Variants in ERO1B observed in about 807,000 individuals in gnomAD.
ERO1B encodes endoplasmic reticulum oxidoreductase 1 beta, also known as ERO1-like protein beta.
In ERO1B, 49 loss-of-function variants were observed where a neutral mutation model predicts 75.3. That is an observed-to-expected ratio of 0.65 (90% confidence interval 0.52 to 0.83). The LOEUF (loss-of-function observed/expected upper bound fraction) is 0.83. Ranked by LOEUF, ERO1B falls within the 40% of genes least tolerant of loss-of-function variation. The probability of loss-of-function intolerance (pLI) is 0.00; values close to 1 mark genes in which losing one functional copy is unlikely to be tolerated. For missense variants in ERO1B, 512 were observed against 560.1 expected, an observed-to-expected ratio of 0.91 and a Z score of 0.87; for synonymous variants, 191 against 192.9, an observed-to-expected ratio of 0.99 and a Z score of 0.08.
intron 4 of ERO1B, among the ~76,000 whole-genome samples, chr1:236,250,388 C>T (rs1664987348): frequency 6.6e-6 from 1 of 151,742 alleles, no homozygotes; most frequent in South Asian, 2.1e-4. Flanking sequence ...AGGAGAATTG[C>T]TTGAACCTGG....
At chr1:236,251,509 A>C in intron 4 of ERO1B, 4 of 968,898 alleles carry the variant, frequency 4.1e-6, no homozygotes, top group Non-Finnish European at 4.9e-6. Flanking sequence ...AAGGAGGCAC[A>C]AGAAGGAGAC....
chr1:236,265,655 G>T (rs1665417910), intron 2 of ERO1B, among the ~76,000 whole-genome samples: 1 of 152,148 alleles, frequency 6.6e-6, no homozygotes, highest in Non-Finnish European at 1.5e-5. Context: ...AATCCCTTCA[G>T]TAGTTTCTTA....
chr1:236,220,091 GCTT>G (rs1045051775), intron 15 of ERO1B: 1 of 142,494 alleles, frequency 7.0e-6, no homozygotes, highest in African/African-American at 2.6e-5. Context: ...TAATTTAACT[GCTT>G]CTTTTTAACT....
Position 236,217,316 on chromosome 1 carries a change from G to A in ERO1B, c.*1200C>T, listed in dbSNP as rs544471703. 2 of 151,452 alleles carry A rather than the reference G, an allele frequency of 1.3e-5. No individual in the cohort carries two copies. The highest frequency in any genetic ancestry group is 2.1e-4 in the South Asian group (1 of 4,782). 9.4% of individuals were successfully genotyped at this position (151,452 alleles called of 1,614,324 possible). A position where few individuals can be genotyped will look rare whatever the true frequency, so the allele number is the denominator to read the frequency against. Reference sequence around the variant, plus strand: ...ATCAAGATTTTAAATATTGTCTAAAGATTTTAAATCCCAGATTTAGAAAAT... The same window carrying A: ...ATCAAGATTTTAAATATTGTCTAAAAATTTTAAATCCCAGATTTAGAAAAT... On this transcript the variant is annotated 3_prime_UTR_variant, in exon 16 of 16. Coordinates refer to ENST00000354619, the MANE Select transcript of ERO1B (RefSeq NM_019891.4).
chr1:236,269,360 G>A lies in ERO1B; in HGVS notation c.222+515C>T, dbSNP rs568824343. 7.9e-5 allele frequency among the ~76,000 whole-genome samples: 12 copies of A among 152,220 alleles called. No homozygotes were observed. The South Asian group carries it at 1.0e-3, about 13-fold the overall frequency. The stretch of plus-strand genomic sequence containing the variant: ...TTGCTGCTGCCTTTAAAGTATCACC[G>A]GTTATTTTGTAAAGGTCTAGAGTAG... On this transcript the variant is annotated intron_variant, in intron 2 of 15. Coordinates refer to ENST00000354619, the MANE Select transcript of ERO1B (RefSeq NM_019891.4).
intron 2 of ERO1B, among the ~76,000 whole-genome samples, chr1:236,268,558 C>A (rs1383005003): frequency 6.6e-6 from 1 of 152,136 alleles, no homozygotes; most frequent in Non-Finnish European, 1.5e-5. Context: ...TTGAGATCGG[C>A]CTGGGCAAAC....
chr1:236,258,408 A>C (rs958014556), intron 2 of ERO1B, among the ~76,000 whole-genome samples: 1 of 152,190 alleles, frequency 6.6e-6, no homozygotes, highest in Non-Finnish European at 1.5e-5. Context: ...AAAGAAAAGG[A>C]AGAAAAAGAA....
intron 2 of ERO1B, among the ~76,000 whole-genome samples, chr1:236,266,806 G>A (rs1370039851): frequency 6.6e-6 from 1 of 152,132 alleles, no homozygotes; most frequent in Non-Finnish European, 1.5e-5. Flanking sequence ...AGTTAGAGCT[G>A]AATGCATTAA....
intron 5 of ERO1B, among the ~76,000 whole-genome samples, chr1:236,249,243 C>T (rs773996827): frequency 6.6e-6 from 1 of 152,074 alleles, no homozygotes; most frequent in African/African-American, 2.4e-5. Context: ...CCAGGCTAGT[C>T]CTAAACTCCT....
At chr1:236,242,209 AATT>A (rs1265770460) in intron 6 of ERO1B, among the ~76,000 whole-genome samples, 1 of 152,238 alleles carries the variant, frequency 6.6e-6, no homozygotes, top group Admixed American at 6.5e-5. Flanking sequence ...TAGTCACACA[AATT>A]ATTAATTTGA....
chr1:236,217,183 T>C lies in ERO1B; in HGVS notation c.*1333A>G, dbSNP rs959746109. On this transcript the variant is annotated 3_prime_UTR_variant, in exon 16 of 16. Transcript: ENST00000354619. ...TATGGATTTAAGAGCACTTATTCTT[T>C]AATTCAGAAAAGACTAAAGAGTCTA... 14 of 152,134 alleles carry C rather than the reference T, an allele frequency of 9.2e-5. No individual in the cohort carries two copies. Among genetic ancestry groups the C allele is most frequent in the Non-Finnish European group, 1.8e-4 (12 of 67,988 alleles). 9.4% of individuals were successfully genotyped at this position (152,134 alleles called of 1,614,324 possible).
At position 236,269,221 on chromosome 1, in the gene ERO1B, C is replaced by T. The variant is rs112179257; in HGVS notation, c.222+654G>A. ...CTGCACTTCAGCCTGGGTGACAGAG[C>T]GAGACTTCATCTCAAAAATAGTAAG... On this transcript the variant is annotated intron_variant, in intron 2 of 15. Transcript: ENST00000354619. Among the ~76,000 whole-genome samples the T allele has an allele frequency of 1.5e-4, 23 of 151,956 alleles. 2 individuals are homozygous for T. The highest frequency in any genetic ancestry group is 3.6e-4 in the African/African-American group (15 of 41,440).
Position 236,232,832 on chromosome 1 carries a change from A to T in ERO1B, c.681T>A (p.Asp227Glu). 6.3e-7 allele frequency: 1 copy of T among 1,597,160 alleles called. No individual in the cohort carries two copies. Among genetic ancestry groups the T allele is most frequent in the Admixed American group, 1.7e-5 (1 of 58,580 alleles). The change falls in exon 9 of 16, where the codon GAT becomes GAA. Residue 227 changes from aspartate to glutamate, a missense_variant. Asp to Glu is a conservative substitution (Grantham distance 45, BLOSUM62 2). Coordinates refer to ENST00000354619, the MANE Select transcript of ERO1B (RefSeq NM_019891.4). The part of the protein sequence containing the change: ...LNPLAPSRGE[D>E]DGESFYTWLE... ...ACAAACATGAGTTTTGCTCACCATC[A>T]TCTTCGCCTAAAAGAGAAAATAATA...
At chr1:236,223,770 G>A (rs7523127) in intron 13 of ERO1B, among the ~76,000 whole-genome samples, 2,908 of 152,218 alleles carry the variant, frequency 0.019, 87 homozygotes, top group African/African-American at 0.066. Context: ...GAACATATGT[G>A]TTGATACTTA....
rs35284640 is a variant in ERO1B, at chr1:236,224,468, TA to T, written c.1122+601del. Among the ~76,000 whole-genome samples the T allele has an allele frequency of 4.0e-3, 424 of 106,524 alleles. 4 individuals carry two copies. The highest frequency in any genetic ancestry group is 9.6e-3 in the African/African-American group (274 of 28,624). The allele number at this position is 106,524 out of a possible 152,430, so 69.9% of individuals were successfully genotyped here. On this transcript the variant is annotated intron_variant, in intron 13 of 15. Coordinates refer to ENST00000354619, the MANE Select transcript of ERO1B (RefSeq NM_019891.4). ...CCATCTCAAAAAATAAATTTAAAAGTAAAAAAAAAAAAAATGCCAATTTCAA... is the reference window on the plus strand; with the variant it reads ...CCATCTCAAAAAATAAATTTAAAAGTAAAAAAAAAAAAATGCCAATTTCAA...
intron 2 of ERO1B, among the ~76,000 whole-genome samples, chr1:236,268,865 G>A (rs984623456): frequency 1.6e-4 from 25 of 152,084 alleles, no homozygotes; most frequent in Non-Finnish European, 2.4e-4. Flanking sequence ...CAGCCTGGGC[G>A]ACGGAGTGAG....
At chr1:236,272,929 T>C (rs1665629514) in intron 1 of ERO1B, among the ~76,000 whole-genome samples, 1 of 152,200 alleles carries the variant, frequency 6.6e-6, no homozygotes, top group Non-Finnish European at 1.5e-5. Context: ...ATTTTCCCTG[T>C]TGCAAGTGTT....
chr1:236,239,565 C>CCCT (rs1315603089), intron 6 of ERO1B, among the ~76,000 whole-genome samples: 2 of 151,950 alleles, frequency 1.3e-5, no homozygotes, highest in Non-Finnish European at 2.9e-5. Context: ...CCATCCTTAT[C>CCCT]CCTGGGCCAT....
At chr1:236,255,090 T>C (rs1665129687) in intron 2 of ERO1B, among the ~76,000 whole-genome samples, 1 of 138,466 alleles carries the variant, frequency 7.2e-6, no homozygotes, top group Non-Finnish European at 1.6e-5. Context: ...CTGGCTAATT[T>C]TTTTTTTCTT....
Sources: allele counts gnomAD v4.1 joint callset (sites outside exome capture counted in the v4.1 genomes callset), GRCh38; gene constraint gnomAD v4.1.1; transcripts MANE v1.5; gene names NCBI Gene and HGNC (gene_info 2026-07-23, HGNC 2026-07-21).